Variants in RETREG1 observed in about 807,000 individuals in gnomAD.
RETREG1 encodes family with sequence similarity 134 member B.
A neutral mutation model predicts 54.8 loss-of-function variants in RETREG1; 44 were observed. That is an observed-to-expected ratio of 0.80 (90% CI 0.63 to 1.03). The LOEUF is 1.03. RETREG1 is among the 50% of genes least tolerant of loss of function. The pLI, the probability that RETREG1 is intolerant of heterozygous loss-of-function variation, is 0.00. For missense variants in RETREG1, 554 were observed against 605.1 expected (o/e 0.92, Z 0.89); for synonymous variants, 217 against 238.5 (o/e 0.91, Z 0.83).
At chr5:16,506,317 G>A (rs527795499) in intron 3 of RETREG1, among the ~76,000 whole-genome samples, 2 of 152,288 alleles carry the variant, frequency 1.3e-5, no homozygotes, top group South Asian at 4.1e-4. Flanking sequence ...ACTAGAACCT[G>A]CTGCAATCAA....
chr5:16,578,297 C>T (rs768381563), intron 1 of RETREG1, among the ~76,000 whole-genome samples: 14 of 142,430 alleles, frequency 9.8e-5, no homozygotes, highest in Non-Finnish European at 1.9e-4. Context: ...ATGAAACAGT[C>T]AGACTCTCTT....
chr5:16,499,632 T>C (rs1026361434), intron 3 of RETREG1, among the ~76,000 whole-genome samples: 2 of 152,234 alleles, frequency 1.3e-5, no homozygotes, highest in African/African-American at 4.8e-5. Context: ...TCCTGTTTTG[T>C]TTATATGGCT....
chr5:16,544,375 T>C (rs1741333780), intron 3 of RETREG1, among the ~76,000 whole-genome samples: 1 of 152,236 alleles, frequency 6.6e-6, no homozygotes, highest in Non-Finnish European at 1.5e-5. Flanking sequence ...GCCTTGACTT[T>C]TCATTCCCTT....
At chr5:16,533,421 C>T (rs756737659) in intron 3 of RETREG1, among the ~76,000 whole-genome samples, 15 of 152,212 alleles carry the variant, frequency 9.9e-5, no homozygotes, top group Non-Finnish European at 2.1e-4. Flanking sequence ...CCACCCCCAT[C>T]CTTCTCCATC....
At chr5:16,530,617 A>C (rs1313233441) in intron 3 of RETREG1, among the ~76,000 whole-genome samples, 1 of 152,206 alleles carries the variant, frequency 6.6e-6, no homozygotes, top group Non-Finnish European at 1.5e-5. Flanking sequence ...TCACGCCTGT[A>C]ATCCCAGCAC....
intron 3 of RETREG1, among the ~76,000 whole-genome samples, chr5:16,539,524 G>T (rs941854295): frequency 2.6e-5 from 4 of 152,130 alleles, no homozygotes; most frequent in Non-Finnish European, 5.9e-5. Flanking sequence ...AAATACAGCC[G>T]CTGATCCCAA....
At chr5:16,480,716 G>A (rs1032705025) in intron 5 of RETREG1, among the ~76,000 whole-genome samples, 1 of 152,064 alleles carries the variant, frequency 6.6e-6, no homozygotes, top group South Asian at 2.1e-4. Context: ...GAAGGCAAAG[G>A]TGTTGGTGTG....
rs1338040750 is a variant in RETREG1 at position 16,594,426 on chromosome 5, T to C, written c.320+22226A>G. On this transcript the variant is annotated intron_variant, in intron 1 of 8. Transcript: ENST00000306320. This position sits in a 1 kb window ranked among gnomAD's most constrained non-coding sequence, Gnocchi z 4.4. The stretch of plus-strand genomic sequence containing the variant: ...TTTTATAAGAAAAAAAGTTAAACGC[T>C]TAACATAGCATTTTTCAGTTGGGCG... Among the ~76,000 whole-genome samples the C allele has an allele frequency of 6.6e-6, 1 of 152,170 alleles. No individual in the cohort carries two copies.
At chr5:16,612,157 A>G (rs1357495858) in intron 1 of RETREG1, among the ~76,000 whole-genome samples, 2 of 152,156 alleles carry the variant, frequency 1.3e-5, no homozygotes, top group Admixed American at 1.3e-4. Context: ...ACAGTGACAG[A>G]AACAGATCAG....
chr5:16,544,219 G>A (rs1259484947), intron 3 of RETREG1, among the ~76,000 whole-genome samples: 3 of 151,980 alleles, frequency 2.0e-5, no homozygotes, highest in East Asian at 3.9e-4. Context: ...CAGGTGATCC[G>A]CCTGCCTCAG....
At chr5:16,479,068 C>A in intron 5 of RETREG1, 81 bp from the exon 6 acceptor site, 1 of 1,343,698 alleles carries the variant, frequency 7.4e-7, no homozygotes, top group Non-Finnish European at 1.0e-6. Context: ...CAAAATACTA[C>A]ATTTCTTTAC....
At chr5:16,539,013 C>T (rs1241895031) in intron 3 of RETREG1, among the ~76,000 whole-genome samples, 1 of 152,226 alleles carries the variant, frequency 6.6e-6, no homozygotes, top group East Asian at 1.9e-4. Flanking sequence ...TGAGGCTAGG[C>T]TGTCGGAATC....
chr5:16,546,301 G>A (rs571309781), intron 3 of RETREG1, among the ~76,000 whole-genome samples: 106 of 152,216 alleles, frequency 7.0e-4, no homozygotes, highest in African/African-American at 2.4e-3. Flanking sequence ...CCAAGCAGCT[G>A]GAACCACAGG....
intron 1 of RETREG1, among the ~76,000 whole-genome samples, chr5:16,613,329 T>A (rs1169819357): frequency 6.6e-6 from 1 of 152,240 alleles, no homozygotes; most frequent in African/African-American, 2.4e-5. Context: ...ATGCTCTTGA[T>A]CATCTACTAG....
intron 1 of RETREG1, among the ~76,000 whole-genome samples, chr5:16,613,766 T>C (rs154247): frequency 2.6e-5 from 4 of 152,218 alleles, no homozygotes; most frequent in Admixed American, 6.5e-5. Context: ...TTTTTTCTCA[T>C]AGAAAATACA....
intron 3 of RETREG1, among the ~76,000 whole-genome samples, chr5:16,522,434 T>A (rs553143308): frequency 6.6e-6 from 1 of 152,308 alleles, no homozygotes; most frequent in Admixed American, 6.5e-5. Context: ...TGTAGCAACT[T>A]GAAGGTGTCC....
At chr5:16,606,185 C>T (rs115314504) in intron 1 of RETREG1, among the ~76,000 whole-genome samples, 196 of 152,294 alleles carry the variant, frequency 1.3e-3, no homozygotes, top group Admixed American at 2.2e-3. Flanking sequence ...CTACAGAAAT[C>T]GCTTCAGCTA....
At position 16,566,523 on chromosome 5, in the gene RETREG1, T is replaced by G. The variant is rs139085730; in HGVS notation, c.428-730A>C. 6.8e-4 allele frequency among the ~76,000 whole-genome samples: 103 copies of G among 152,348 alleles called. 3 individuals carry two copies. The East Asian group carries it at 0.019, about 29-fold the overall frequency. The stretch of plus-strand genomic sequence containing the variant: ...ATGTAAGAAATGATCATGAGGAAGC[T>G]TCCGCATTTTCCATCTAACAAAAAG... On this transcript the variant is annotated intron_variant, in intron 2 of 8. Transcript: ENST00000306320.
At chr5:16,515,156 T>C (rs1038813624) in intron 3 of RETREG1, among the ~76,000 whole-genome samples, 21 of 151,972 alleles carry the variant, frequency 1.4e-4, no homozygotes, top group African/African-American at 4.8e-4. Flanking sequence ...TAGTTCTACT[T>C]TTTGTTCTTT....
Sources: allele counts gnomAD v4.1 joint callset (sites outside exome capture counted in the v4.1 genomes callset), GRCh38; gene constraint gnomAD v4.1.1; non-coding constraint Gnocchi (gnomAD v3.1); transcripts MANE v1.5; gene names NCBI Gene and HGNC (gene_info 2026-07-23, HGNC 2026-07-21).